Variants in KATNA1 observed in about 807,000 individuals in gnomAD.
KATNA1 encodes katanin p60 ATPase-containing subunit A1.
A neutral mutation model predicts 62.6 loss-of-function variants in KATNA1; 42 were observed. The observed-to-expected ratio is 0.67, with a 90% CI of 0.52 to 0.87. The LOEUF is 0.87. Ranked by LOEUF, KATNA1 falls within the 40% of genes least tolerant of loss-of-function variation. The pLI, the probability that KATNA1 is intolerant of heterozygous loss-of-function variation, is 0.00. For synonymous variants in KATNA1, 186 were observed against 201.9 expected (o/e 0.92, Z 0.67); for missense variants, 498 against 612.5 (o/e 0.81, Z 1.97).
At chr6:149,616,075 G>T (rs1280547574) in intron 4 of KATNA1, among the ~76,000 whole-genome samples, 1 of 152,106 alleles carries the variant, frequency 6.6e-6, no homozygotes, top group Non-Finnish European at 1.5e-5. Context: ...GAGGGTGAAT[G>T]GTGAGTTATT....
At chr6:149,632,052 CT>C in intron 3 of KATNA1, among the ~76,000 whole-genome samples, 1 of 152,196 alleles carries the variant, frequency 6.6e-6, no homozygotes, top group Non-Finnish European at 1.5e-5. Context: ...TCTGTGATCC[CT>C]GTTTGAGAAC....
At chr6:149,626,496 G>C (rs1179078057) in intron 3 of KATNA1, among the ~76,000 whole-genome samples, 12 of 146,820 alleles carry the variant, frequency 8.2e-5, no homozygotes, top group Admixed American at 8.2e-4. Flanking sequence ...GGGTTTCACC[G>C]TGGTCTCGAT....
intron 2 of KATNA1, among the ~76,000 whole-genome samples, chr6:149,636,081 A>G (rs1780056421): frequency 6.6e-6 from 1 of 152,056 alleles, no homozygotes; most frequent in Non-Finnish European, 1.5e-5. Flanking sequence ...AGAAAATGGT[A>G]AAAAATAAAA....
At chr6:149,603,140 A>G in intron 6 of KATNA1, 128 bp downstream of exon 6, 1 of 543,100 alleles carries the variant, frequency 1.8e-6, no homozygotes, top group Non-Finnish European at 3.3e-6. Context: ...CACAACATAT[A>G]CCTTTTAATT....
At chr6:149,633,991 G>A (rs1189235813) in intron 2 of KATNA1, among the ~76,000 whole-genome samples, 1 of 150,936 alleles carries the variant, frequency 6.6e-6, no homozygotes, top group Non-Finnish European at 1.5e-5. Flanking sequence ...TTGCATAACA[G>A]GCCAGGCGCG....
chr6:149,645,170 C>T (rs959925515), intron 1 of KATNA1, among the ~76,000 whole-genome samples: 16 of 151,998 alleles, frequency 1.1e-4, no homozygotes, highest in African/African-American at 3.4e-4. Context: ...AAGCTGGCCG[C>T]GCGCAGTGGC....
At chr6:149,602,082 T>C (rs1369878340) in intron 6 of KATNA1, among the ~76,000 whole-genome samples, 2 of 152,182 alleles carry the variant, frequency 1.3e-5, no homozygotes, top group South Asian at 2.1e-4. Context: ...ATATAACTTA[T>C]TCGGCCAGCC....
intron 3 of KATNA1, among the ~76,000 whole-genome samples, chr6:149,628,849 C>A (rs573726169): frequency 5.3e-5 from 8 of 150,732 alleles, no homozygotes; most frequent in South Asian, 2.1e-4. Context: ...AAAAGAATGA[C>A]CCTCTTAAGC....
chr6:149,616,517 T>C (rs1401079297), intron 4 of KATNA1, among the ~76,000 whole-genome samples: 3 of 152,318 alleles, frequency 2.0e-5, no homozygotes, highest in Admixed American at 6.5e-5. Context: ...CCCAGCACTT[T>C]TGGAGGCCAA....
At chr6:149,601,867 T>C in intron 6 of KATNA1, 115 bp from the exon 7 acceptor site, 1 of 658,396 alleles carries the variant, frequency 1.5e-6, no homozygotes, top group Non-Finnish European at 2.3e-6. Flanking sequence ...TCAAGACAAA[T>C]AAAAGACAAA....
chr6:149,597,009 T>G, intron 10 of KATNA1, 54 bp downstream of exon 10: 1 of 1,589,934 alleles, frequency 6.3e-7, no homozygotes, highest in Non-Finnish European at 8.6e-7. Flanking sequence ...ACCAAAAAAC[T>G]TCATACTAGA....
At chr6:149,623,346 G>C in intron 3 of KATNA1, 63 bp from the exon 4 acceptor site, 1 of 1,225,446 alleles carries the variant, frequency 8.2e-7, no homozygotes, top group Non-Finnish European at 1.1e-6. Flanking sequence ...CACACATACT[G>C]TGTAAGTTAA....
At chr6:149,618,194 T>C (rs1214193824) in intron 4 of KATNA1, among the ~76,000 whole-genome samples, 1 of 143,394 alleles carries the variant, frequency 7.0e-6, no homozygotes, top group Non-Finnish European at 1.5e-5. Context: ...AGAAAAAAAA[T>C]TGGTTGGGCA....
chr6:149,631,261 T>A (rs550287972), intron 3 of KATNA1, among the ~76,000 whole-genome samples: 4 of 152,074 alleles, frequency 2.6e-5, no homozygotes, highest in Non-Finnish European at 5.9e-5. Context: ...TAGCTGGGCA[T>A]GATGGCAGGT....
chr6:149,634,573 A>T (rs574103819), intron 2 of KATNA1, among the ~76,000 whole-genome samples: 20 of 152,310 alleles, frequency 1.3e-4, no homozygotes, highest in South Asian at 2.1e-4. Context: ...TGGCACGATC[A>T]TAGCTCACCA....
chr6:149,596,946 G>A (rs933984046), intron 10 of KATNA1, 117 bp downstream of exon 10: 13 of 959,484 alleles, frequency 1.4e-5, no homozygotes, highest in Middle Eastern at 4.5e-4. Context: ...CTGTGACTGC[G>A]CCTCTACTCT....
In KATNA1 at chr6:149,601,771, C is replaced by G. The variant is rs754859684; in HGVS notation, c.730-19G>C. 9.1e-6 allele frequency: 14 copies of G among 1,531,642 alleles called. No individual in the cohort carries two copies. In the African/African-American group the frequency reaches 1.2e-4, roughly 14 times the overall value. The allele number at this position is 1,531,642 out of a possible 1,614,324, so 94.9% of individuals were successfully genotyped here. ...GTACTCCCTGTTGCGAATATAATAG[C>G]CTCAGCAGAGGATTTATCTGCCATT... is the stretch of plus-strand genomic sequence containing the variant. On this transcript the variant is annotated intron_variant, in intron 6 of 10. Transcript: ENST00000367411.
intron 7 of KATNA1, among the ~76,000 whole-genome samples, chr6:149,599,857 T>C (rs1778472458): frequency 6.6e-6 from 1 of 152,006 alleles, no homozygotes; most frequent in Non-Finnish European, 1.5e-5. Context: ...GAGGCTAACT[T>C]TACTTGGAAC....
intron 1 of KATNA1, among the ~76,000 whole-genome samples, chr6:149,640,661 C>G (rs574126843): frequency 1.3e-5 from 2 of 150,640 alleles, no homozygotes; most frequent in African/African-American, 4.9e-5. Context: ...GATTCCCCTG[C>G]CTCAGCCTCC....
Sources: allele counts gnomAD v4.1 joint callset (sites outside exome capture counted in the v4.1 genomes callset), GRCh38; gene constraint gnomAD v4.1.1; transcripts MANE v1.5; gene names NCBI Gene and HGNC (gene_info 2026-07-23, HGNC 2026-07-21).